The following TENM2 variants were observed in gnomAD, a reference collection of about 807,000 sequenced individuals.
TENM2 encodes the protein teneurin transmembrane protein 2.
In TENM2, 52 loss-of-function variants were observed where a neutral mutation model predicts 245.2. The observed-to-expected ratio is 0.21, with a 90% CI of 0.17 to 0.27. The LOEUF is 0.27. TENM2 is among the 10% of genes least tolerant of loss of function. The pLI, the probability that TENM2 is intolerant of heterozygous loss-of-function variation, is 1.00. For missense variants in TENM2, 3,046 were observed against 3,666.8 expected (o/e 0.83, Z 4.37); for synonymous variants, 1,363 against 1,438.9 (o/e 0.95, Z 1.19).
chr5:167,842,455 G>A (rs1439477526), intron 2 of TENM2, among the ~76,000 whole-genome samples: 1 of 151,714 alleles, frequency 6.6e-6, no homozygotes, highest in African/African-American at 2.4e-5. Flanking sequence ...TAGGCATGGT[G>A]GCACATGCTT....
the TENM2 span, among the ~76,000 whole-genome samples, chr5:167,231,610 GT>G: frequency 2.6e-5 from 4 of 152,148 alleles, no homozygotes; most frequent in Non-Finnish European, 5.9e-5. Flanking sequence ...AAATTATTCA[GT>G]TTTAGGTATT....
At chr5:167,207,068 A>C in the TENM2 span, among the ~76,000 whole-genome samples, 2 of 152,030 alleles carry the variant, frequency 1.3e-5, no homozygotes. Flanking sequence ...ATGGTTTTTG[A>C]GATTCCCCTG....
At chr5:167,076,072 A>G in the TENM2 span, among the ~76,000 whole-genome samples, 1 of 152,198 alleles carries the variant, frequency 6.6e-6, no homozygotes. Flanking sequence ...TTTAAGAGGC[A>G]GTATCCTAAG....
At position 167,802,580 on chromosome 5, in the gene TENM2, A is replaced by G. The variant is rs148145660; in HGVS notation, c.503-73406A>G. On this transcript the variant is annotated intron_variant, in intron 2 of 28. Coordinates refer to ENST00000518659, the Ensembl canonical transcript of TENM2. The stretch of plus-strand genomic sequence containing the variant: ...GGGAATGAATCGAGCTTGAAACCTG[A>G]AAGGAACATCTTCCTCCTTTAGGCA... Among the ~76,000 whole-genome samples, 17 of 152,292 alleles carry G rather than the reference A, an allele frequency of 1.1e-4. No individual in the cohort carries two copies. The East Asian group carries it at 3.3e-3, about 29-fold the overall frequency.
chr5:167,997,652 G>T (rs1784154016), intron 5 of TENM2, among the ~76,000 whole-genome samples: 1 of 152,068 alleles, frequency 6.6e-6, no homozygotes, highest in Non-Finnish European at 1.5e-5. Context: ...TTTTAATTAT[G>T]CCCCCTGGTT....
the TENM2 span, among the ~76,000 whole-genome samples, chr5:167,061,291 A>C: frequency 9.0e-4 from 137 of 152,288 alleles, no homozygotes; most frequent in South Asian, 8.7e-3. Flanking sequence ...GAATTCAGCT[A>C]TTCTCCTTGA....
the TENM2 span, among the ~76,000 whole-genome samples, chr5:167,132,297 C>G: frequency 6.6e-6 from 1 of 152,160 alleles, no homozygotes; most frequent in Non-Finnish European, 1.5e-5. Context: ...CACATAGACT[C>G]TCTCCCAAAG....
At chr5:167,207,973 C>T in the TENM2 span, among the ~76,000 whole-genome samples, 1 of 152,172 alleles carries the variant, frequency 6.6e-6, no homozygotes, top group Admixed American at 6.5e-5. Flanking sequence ...AGGTTGATCT[C>T]GAGCTCCTGA....
the TENM2 span, among the ~76,000 whole-genome samples, chr5:167,158,663 G>T: frequency 4.6e-5 from 7 of 152,154 alleles, no homozygotes; most frequent in African/African-American, 1.7e-4. Flanking sequence ...AGACAGAGAG[G>T]GAGAGCACAT....
chr5:167,602,315 C>A (rs1776693807), intron 2 of TENM2, among the ~76,000 whole-genome samples: 1 of 152,136 alleles, frequency 6.6e-6, no homozygotes, highest in South Asian at 2.1e-4. Flanking sequence ...TATCGAGGAC[C>A]TTTTAACTCA....
chr5:167,581,795 A>T (rs1012782809), intron 2 of TENM2, among the ~76,000 whole-genome samples: 16 of 152,168 alleles, frequency 1.1e-4, no homozygotes, highest in African/African-American at 3.6e-4. Flanking sequence ...TGTGCTATGT[A>T]CCAAGGATGC....
At chr5:167,892,076 TATAAC>T (rs1202388314) in intron 3 of TENM2, among the ~76,000 whole-genome samples, 4 of 152,224 alleles carry the variant, frequency 2.6e-5, no homozygotes, top group African/African-American at 4.8e-5. Flanking sequence ...GAGCTTGTGA[TATAAC>T]ATATTCTTGA....
At chr5:167,803,975 C>T (rs969727859) in intron 2 of TENM2, among the ~76,000 whole-genome samples, 9 of 152,048 alleles carry the variant, frequency 5.9e-5, no homozygotes, top group Admixed American at 2.0e-4. Context: ...TTTCAAAATA[C>T]TTCAAAATCC....
chr5:167,020,353 T>G, the TENM2 span, among the ~76,000 whole-genome samples: 1 of 152,182 alleles, frequency 6.6e-6, no homozygotes, highest in African/African-American at 2.4e-5. Flanking sequence ...CTCAGAATGC[T>G]TTTTCCTCCT....
At chr5:167,766,101 A>G (rs1763000382) in intron 2 of TENM2, among the ~76,000 whole-genome samples, 1 of 152,198 alleles carries the variant, frequency 6.6e-6, no homozygotes, top group Non-Finnish European at 1.5e-5. Flanking sequence ...TGTTATGTGG[A>G]CAAATTGCAG....
intron 2 of TENM2, among the ~76,000 whole-genome samples, chr5:167,534,459 A>G (rs1485172414): frequency 6.6e-6 from 1 of 152,236 alleles, no homozygotes; most frequent in Non-Finnish European, 1.5e-5. Context: ...AGCCAGTTAA[A>G]TTTGAATTTC....
At chr5:167,771,264 C>A (rs992504076) in intron 2 of TENM2, among the ~76,000 whole-genome samples, 3 of 152,022 alleles carry the variant, frequency 2.0e-5, no homozygotes, top group African/African-American at 4.8e-5. Flanking sequence ...TTAGTGGATC[C>A]TAATATTCAT....
chr5:167,555,695 C>T (rs1274731609), intron 2 of TENM2, among the ~76,000 whole-genome samples: 1 of 152,094 alleles, frequency 6.6e-6, no homozygotes, highest in Non-Finnish European at 1.5e-5. Flanking sequence ...CCATTTGCTA[C>T]TAAGAAGAAT....
the TENM2 span, among the ~76,000 whole-genome samples, chr5:167,229,726 A>G: frequency 6.6e-6 from 1 of 152,122 alleles, no homozygotes; most frequent in Non-Finnish European, 1.5e-5. Context: ...GCCAGGCCAG[A>G]CTGAGCTTGC....
Sources: allele counts gnomAD v4.1 joint callset (sites outside exome capture counted in the v4.1 genomes callset), GRCh38; gene constraint gnomAD v4.1.1; transcripts MANE v1.5; gene names NCBI Gene and HGNC (gene_info 2026-07-23, HGNC 2026-07-21).